MYO1E: variants seen among roughly 807,000 people sequenced by gnomAD.
MYO1E encodes the protein unconventional myosin-Ie.
In MYO1E, 68 loss-of-function variants were observed where a neutral mutation model predicts 151.1. The observed-to-expected ratio is 0.45, with a 90% CI of 0.37 to 0.55. The LOEUF (loss-of-function observed/expected upper bound fraction) is 0.55. Among genes scored for constraint, MYO1E ranks in the 20% least tolerant of loss-of-function variants. MYO1E has a pLI of 0.00. For synonymous variants in MYO1E, 601 were observed against 501.7 expected, an observed-to-expected ratio of 1.20 and a Z score of -2.64; for missense variants, 1,363 against 1,389.3, an observed-to-expected ratio of 0.98 and a Z score of 0.30.
intron 10 of MYO1E, among the ~76,000 whole-genome samples, chr15:59,216,664 G>GTGTGTGTGTGTGTGTGTGTGTGTGTGTA (rs1345351297): frequency 6.8e-5 from 1 of 14,702 alleles, no homozygotes; most frequent in African/African-American, 1.9e-4. Flanking sequence ...GTGTGTGTAT[G>GTGTGTGTGTGTGTGTGTGTGTGTGTGTA]TGTATATATA....
intron 10 of MYO1E, among the ~76,000 whole-genome samples, chr15:59,215,879 C>A (rs1301025776): frequency 1.3e-5 from 2 of 152,118 alleles, no homozygotes; most frequent in Non-Finnish European, 2.9e-5. Flanking sequence ...CAGGCTGCAC[C>A]ACCCCCTTGC....
intron 1 of MYO1E, among the ~76,000 whole-genome samples, chr15:59,349,086 T>C (rs1440377325): frequency 1.3e-5 from 2 of 152,082 alleles, no homozygotes; most frequent in Admixed American, 6.6e-5. Flanking sequence ...GGAGGGAATT[T>C]TGTTGAGCCT....
chr15:59,326,500 C>T (rs961789449), intron 1 of MYO1E, among the ~76,000 whole-genome samples: 4 of 152,106 alleles, frequency 2.6e-5, no homozygotes, highest in Non-Finnish European at 5.9e-5. Context: ...TCCAGCCTGG[C>T]GACAGAGCAA....
At chr15:59,365,796 G>A (rs568099307) in intron 1 of MYO1E, among the ~76,000 whole-genome samples, 3 of 152,112 alleles carry the variant, frequency 2.0e-5, no homozygotes, top group African/African-American at 7.2e-5. Flanking sequence ...CAGGAAAAAG[G>A]GACCTGCTGG....
rs1259346872 is a variant in MYO1E, at chr15:59,161,131, G to C, written c.2727C>G (p.Leu909=). Residue 909 remains leucine (L), a synonymous_variant, in exon 24 of 28, where the codon CTC becomes CTG. Transcript: ENST00000288235. ...CCTGCAGCACTTTGTTACTGGGCTT[G>C]AGGACAGCCAGGTCCCCAAACCCTT... ...FHQGFGDLAV[L]KPSNKVLQVS... is the part of the protein sequence containing the mutation. 2 of 1,613,968 alleles carry C rather than the reference G, an allele frequency of 1.2e-6. No individual in the cohort carries two copies. The highest frequency in any genetic ancestry group is 1.3e-5 in the African/African-American group (1 of 74,894).
chr15:59,207,038 C>G (rs1391191358), intron 14 of MYO1E: 3 of 1,614,128 alleles, frequency 1.9e-6, no homozygotes, highest in Non-Finnish European at 2.5e-6. Flanking sequence ...CCGCGTCAAG[C>G]AACGCGCATC....
At chr15:59,282,825 G>T (rs1350716264) in intron 1 of MYO1E, among the ~76,000 whole-genome samples, 1 of 132,044 alleles carries the variant, frequency 7.6e-6, no homozygotes, top group Non-Finnish European at 1.6e-5. Context: ...TACAGCCTGC[G>T]TAACAGAGCA....
At chr15:59,242,684 T>A (rs2080107212) in intron 4 of MYO1E, among the ~76,000 whole-genome samples, 2 of 152,182 alleles carry the variant, frequency 1.3e-5, no homozygotes, top group Admixed American at 1.3e-4. Context: ...GAGAAGGATG[T>A]TGTCATGATC....
chr15:59,157,066 TAA>T (rs56300582), intron 25 of MYO1E, among the ~76,000 whole-genome samples: 4 of 139,250 alleles, frequency 2.9e-5, no homozygotes, highest in East Asian at 4.2e-4. Context: ...CTACAAAGAG[TAA>T]AAAAAAAAAG....
intron 26 of MYO1E, among the ~76,000 whole-genome samples, chr15:59,152,569 C>T (rs959456781): frequency 5.3e-5 from 8 of 152,196 alleles, no homozygotes; most frequent in Admixed American, 5.2e-4. Context: ...CACCCTGTCA[C>T]CGTCATTACC....
At chr15:59,277,090 G>A (rs1199099419) in intron 1 of MYO1E, among the ~76,000 whole-genome samples, 1 of 152,120 alleles carries the variant, frequency 6.6e-6, no homozygotes, top group Non-Finnish European at 1.5e-5. Context: ...AATACAACAA[G>A]GTCCCCCACC....
chr15:59,179,819 A>C (rs1180468436), intron 18 of MYO1E, among the ~76,000 whole-genome samples: 1 of 152,270 alleles, frequency 6.6e-6, no homozygotes, highest in East Asian at 1.9e-4. Context: ...ATAATCAAGG[A>C]GAGACAAACA....
Position 59,236,352 on chromosome 15 carries a change from GAA to G in MYO1E, c.420+231_420+232del, listed in dbSNP as rs57488716. 1.6e-3 allele frequency among the ~76,000 whole-genome samples: 188 copies of G among 116,710 alleles called. 8 individuals are homozygous for G. Among genetic ancestry groups the G allele is most frequent in the Non-Finnish European group, 1.9e-3 (112 of 58,294 alleles). The allele number at this position is 116,710 out of a possible 152,430, so 76.6% of individuals were successfully genotyped here. A position where few individuals can be genotyped will look rare whatever the true frequency, so the allele number is the denominator to read the frequency against. On this transcript the variant is annotated intron_variant, in intron 5 of 27. Transcript: ENST00000288235. The stretch of plus-strand genomic sequence containing the variant: ...CAGAGCAAGACTCTGTCTCAAAAAA[GAA>G]AAAAAAAAAATATATACACACACAC...
chr15:59,138,371 T>C lies in MYO1E; in HGVS notation c.3081-4A>G. ...ACTGGTTGTTTGTCTCCTGACCCTG[T>C]GGAGAGAGTGGAGCAGATGAGACTG... On this transcript the variant is annotated splice_polypyrimidine_tract_variant and splice_region_variant and intron_variant, in intron 26 of 27. Transcript: ENST00000288235. The C allele has an allele frequency of 6.2e-7, 1 of 1,613,702 alleles. No homozygotes were observed.
chr15:59,270,317 C>T (rs967718371), intron 2 of MYO1E, among the ~76,000 whole-genome samples: 4 of 151,904 alleles, frequency 2.6e-5, no homozygotes, highest in African/African-American at 7.3e-5. Flanking sequence ...TTTGGAAGGC[C>T]GAGGCAGGTG....
chr15:59,167,231 C>T (rs965415325), intron 22 of MYO1E, among the ~76,000 whole-genome samples: 6 of 152,144 alleles, frequency 3.9e-5, no homozygotes, highest in Non-Finnish European at 7.3e-5. Context: ...CACCGTCTTA[C>T]GGGTTGTTTT....
chr15:59,200,262 T>C (rs1263522434), intron 16 of MYO1E, among the ~76,000 whole-genome samples: 1 of 152,184 alleles, frequency 6.6e-6, no homozygotes, highest in Non-Finnish European at 1.5e-5. Flanking sequence ...TGTGACAGTC[T>C]TATGACTCGA....
chr15:59,154,044 A>G (rs1418207770), intron 25 of MYO1E, among the ~76,000 whole-genome samples: 10 of 152,208 alleles, frequency 6.6e-5, no homozygotes. Context: ...AACATGTACA[A>G]CAATGCATGG....
intron 8 of MYO1E, among the ~76,000 whole-genome samples, 179 bp downstream of exon 8, chr15:59,224,510 G>A (rs1439412223): frequency 5.9e-5 from 9 of 152,152 alleles, no homozygotes; most frequent in African/African-American, 2.2e-4. Flanking sequence ...TGGTCCTCAG[G>A]CAACTGGCAC....
Sources: gnomAD v4.1 joint callset for allele counts (sites outside exome capture counted in the v4.1 genomes callset) on GRCh38, gnomAD v4.1.1 for gene constraint, MANE v1.5 for transcripts, NCBI Gene and HGNC (gene_info 2026-07-23, HGNC 2026-07-21) for gene names.